The following PLEC variants were observed in gnomAD, a reference collection of about 807,000 sequenced individuals.
PLEC encodes plectin.
Under a neutral mutation model 392.8 loss-of-function variants are expected in PLEC, and 216 were observed. The observed-to-expected ratio is 0.55, with a 90% CI of 0.49 to 0.62. The LOEUF is 0.62. Ranked by LOEUF, PLEC falls within the 20% of genes least tolerant of loss-of-function variation. The pLI is 0.00. For synonymous variants in PLEC, 3,621 were observed against 2,980.6 expected (o/e 1.21, Z -7.00); for missense variants, 6,863 against 6,563.4 (o/e 1.05, Z -1.58).
Position 143,935,004 on chromosome 8 carries a change from C to A in PLEC, c.825+7G>T. 1.2e-6 allele frequency: 2 copies of A among 1,612,200 alleles called. No homozygotes were observed. Among genetic ancestry groups the A allele is most frequent in the Non-Finnish European group, 1.7e-6 (2 of 1,179,606 alleles). ...CAAGCCCCCTGCCCTCCGGGCCCCC[C>A]ACTCACGTTGGCCCTCACCCCATCC... On this transcript the variant is annotated splice_region_variant and intron_variant, in intron 8 of 31. Transcript: ENST00000345136.
chr8:143,939,359 C>T lies in PLEC; in HGVS notation c.103G>A (p.Gly35Ser), dbSNP rs1564176951. 6.2e-7 allele frequency: 1 copy of T among 1,612,020 alleles called. No homozygotes were observed. Among genetic ancestry groups the T allele is most frequent in the Non-Finnish European group, 8.5e-7 (1 of 1,179,532 alleles). The change falls in exon 1 of 32, where the codon GGC becomes AGC. Residue 35 changes from glycine to serine, a missense_variant. Coordinates refer to ENST00000345136, the MANE Select transcript of PLEC (RefSeq NM_201384.3). ...AGGGGAGCCCTGCTACCTTTCTTGC[C>T]CTCAGAGGCCCTGAGCACAGCCAGG... ...LYLAVLRASE[G>S]KKDERDRVQK...
Position 143,922,200 on chromosome 8 carries a change from T to TCTG in PLEC, c.7618_7620dup (p.Gln2540dup), listed in dbSNP as rs782806023. On this transcript the variant is annotated inframe_insertion, in exon 32 of 32. Coordinates refer to ENST00000345136, the MANE Select transcript of PLEC (RefSeq NM_201384.3). Reference sequence around the variant, plus strand: ...ACCAGCCGCTGCCGTTCCTGCTCCATCTGCTGCTGCTGCCGCTGCTGCTCC... The same window carrying TCTG: ...ACCAGCCGCTGCCGTTCCTGCTCCATCTGCTGCTGCTGCTGCCGCTGCTGCTCC... 1.3e-6 allele frequency: 2 copies of TCTG among 1,552,670 alleles called. No homozygotes were observed. Among genetic ancestry groups the TCTG allele is most frequent in the Non-Finnish European group, 1.7e-6 (2 of 1,152,884 alleles).
upstream of PLEC, chr8:143,953,791 G>T: frequency 6.2e-7 from 1 of 1,611,770 alleles, no homozygotes; most frequent in Non-Finnish European, 8.5e-7. Context: ...GGGGCTGAGG[G>T]CGGCTGTGCC....
Position 143,934,378 on chromosome 8 carries a change from C to T in PLEC, c.1109G>A (p.Trp370Ter). ...GYHPLDVEKE[W>*]GKLHVAILER... ...CAGGATGGCCACGTGCAGCTTGCCCCACTCCTTCTCCACATCCAGCGGGTG... is the reference window on the plus strand; with the variant it reads ...CAGGATGGCCACGTGCAGCTTGCCCTACTCCTTCTCCACATCCAGCGGGTG... Residue 370 changes from tryptophan to a stop codon, truncating the protein, a stop_gained, in exon 11 of 32, where the codon TGG (tryptophan) becomes TAG (stop). Transcript: ENST00000345136. LOFTEE classifies it high-confidence loss of function. 6.2e-7 allele frequency: 1 copy of T among 1,612,574 alleles called. No individual in the cohort carries two copies. Among genetic ancestry groups the T allele is most frequent in the Non-Finnish European group, 8.5e-7 (1 of 1,179,936 alleles).
In PLEC at chr8:143,935,789, A is replaced by G. The variant is rs545818698; in HGVS notation, c.602+59T>C. ...TGCCCCAACGTGTCTGAAGTTGCCT[A>G]GTGGAGGCGCTGTGGGGGTGCCCCC... On this transcript the variant is annotated intron_variant, in intron 6 of 31. Coordinates refer to ENST00000345136, the MANE Select transcript of PLEC (RefSeq NM_201384.3). The G allele has an allele frequency of 1.9e-6, 3 of 1,575,486 alleles. No individual in the cohort carries two copies. In the East Asian group the frequency reaches 6.7e-5, roughly 35 times the overall value.
At chr8:143,958,757 T>A, upstream of PLEC, 2 of 379,504 alleles carry the variant, frequency 5.3e-6, no homozygotes, top group South Asian at 3.5e-5. The surrounding 1 kb of genome is among the most constrained non-coding windows in gnomAD (Gnocchi z 4.9). Context: ...ACCTGATCCA[T>A]GGTGGCTCCC....
chr8:143,961,555 A>T (rs1478930890), intron 1 of PLEC, among the ~76,000 whole-genome samples: 1 of 152,178 alleles, frequency 6.6e-6, no homozygotes, highest in Non-Finnish European at 1.5e-5. Flanking sequence ...AGTCATAGAG[A>T]TGCACAATGA....
chr8:143,941,454 A>C (rs955760654), upstream of PLEC, among the ~76,000 whole-genome samples: 13 of 151,992 alleles, frequency 8.6e-5, no homozygotes, highest in South Asian at 2.1e-3. Flanking sequence ...CAGGGAAGGG[A>C]AGGGGCACGG....
rs199958797 is a variant in PLEC at position 143,922,573 on chromosome 8, G to A, written c.7356C>T (p.Ile2452=). The part of the protein sequence containing the change: ...DHDAERLREA[I]AELEREKEKL... ...TCTCCTTCTCACGCTCCAGCTCAGCGATGGCCTCCCGCAGGCGCTCGGCAT... is the reference window on the plus strand; with the variant it reads ...TCTCCTTCTCACGCTCCAGCTCAGCAATGGCCTCCCGCAGGCGCTCGGCAT... Residue 2452 remains isoleucine (I), a synonymous_variant, in exon 31 of 32, where the codon ATC becomes ATT. Transcript: ENST00000345136. 1,637 of 1,613,460 alleles carry A rather than the reference G, an allele frequency of 1.0e-3. 19 individuals carry two copies. The highest frequency in any genetic ancestry group is 8.3e-4 in the Middle Eastern group (5 of 6,056).
chr8:143,930,146 G>A lies in PLEC; in HGVS notation c.2610C>T (p.Thr870=). 6.3e-7 allele frequency: 1 copy of A among 1,584,706 alleles called. No homozygotes were observed. Residue 870 remains threonine (T), a splice_region_variant and synonymous_variant, in exon 21 of 32, where the codon ACC becomes ACT. Transcript: ENST00000345136. The part of the protein sequence containing the change: ...PPNQEAQEAV[T]RLEAQHQALV... ...CCTGCTGAGCCCCCGCCACCCACCT[G>A]GTGACGGCCTCCTGGGCCTCCTGGT...
At position 143,923,889 on chromosome 8, in the gene PLEC, G is replaced by A. The variant is rs782467182; in HGVS notation, c.6040C>T (p.Leu2014=). 2.5e-6 allele frequency: 4 copies of A among 1,594,714 alleles called. No individual in the cohort carries two copies. The highest frequency in any genetic ancestry group is 4.5e-5 in the East Asian group (2 of 44,692). Residue 2014 remains leucine, a synonymous_variant, in exon 31 of 32, where the codon CTG becomes TTG. Transcript: ENST00000345136. ...CGCGCCTCCTCCACCTTGGCTTTCA[G>A]CCGCTCGACTTCCTCCAGCGCCGCC... ...RKAALEEVER[L]KAKVEEARRL...
Position 143,937,607 on chromosome 8 carries a change from G to A in PLEC, c.265-365C>T, listed in dbSNP as rs550385829. The A allele has an allele frequency of 3.6e-5, 18 of 501,870 alleles. No individual in the cohort carries two copies. The East Asian group carries it at 5.7e-4, about 16-fold the overall frequency. 31.1% of individuals were successfully genotyped at this position (501,870 alleles called of 1,614,324 possible). Reference sequence around the variant, plus strand: ...CAGGCCAGCTCTGGGCAGCACGGTGGACGGGCAGCTTGACACCCAACCACC... The same window carrying A: ...CAGGCCAGCTCTGGGCAGCACGGTGAACGGGCAGCTTGACACCCAACCACC... On this transcript the variant is annotated intron_variant, in intron 3 of 31. Transcript: ENST00000345136.
chr8:143,928,736 C>T (rs1554709832), intron 25 of PLEC, among the ~76,000 whole-genome samples: 2 of 152,148 alleles, frequency 1.3e-5, no homozygotes, highest in Admixed American at 6.5e-5. Flanking sequence ...ATGCCAGAGG[C>T]CCTTAAGTCC....
chr8:143,937,153 G>C lies in PLEC; in HGVS notation c.342+12C>G, dbSNP rs374722104. On this transcript the variant is annotated intron_variant, in intron 4 of 31. Coordinates refer to ENST00000345136, the MANE Select transcript of PLEC (RefSeq NM_201384.3). ...GTCTGGGTGGGGCCCAGGGCCTGCC[G>C]GGCAGCCTTACCTGGCGGTGCCGGA... The C allele has an allele frequency of 3.2e-5, 52 of 1,611,236 alleles. No individual in the cohort carries two copies. In the South Asian group the frequency reaches 5.1e-4, roughly 16 times the overall value.
chr8:143,943,811 C>T (rs188145911), upstream of PLEC: 314 of 1,612,354 alleles, frequency 1.9e-4, no homozygotes, highest in East Asian at 6.5e-3. Context: ...ACGTCCCCTG[C>T]GCCAGTGCCA....
chr8:143,923,062 C>G lies in PLEC; in HGVS notation c.6867G>C (p.Glu2289Asp), dbSNP rs782665528. 14 of 1,610,336 alleles carry G rather than the reference C, an allele frequency of 8.7e-6. No homozygotes were observed. The highest frequency in any genetic ancestry group is 1.7e-4 in the Middle Eastern group (1 of 6,056). ...CTGCCAGCTGCCGCAGTCGCGCAGC[C>G]TCTTGGGCCGCCACACTCAGCCGCG... ...EAARLSVAAQ[E>D]AARLRQLAEE... Residue 2289 changes from glutamate (E) to aspartate (D), a missense_variant, in exon 31 of 32, where the codon GAG (glutamate) becomes GAC (aspartate). By Grantham distance (45) the Glu-to-Asp change is conservative (BLOSUM62 2). Transcript: ENST00000345136.
At position 143,928,009 on chromosome 8, in the gene PLEC, G is replaced by C; in HGVS notation, c.3261-17C>G. ...GTCTTGAGCCTGGCGGGAAAGCGGG[G>C]CTCAGGGCCATGACATGGGGCTCGA... is the stretch of plus-strand genomic sequence containing the variant. On this transcript the variant is annotated splice_polypyrimidine_tract_variant and intron_variant, in intron 25 of 31. Coordinates refer to ENST00000345136, the MANE Select transcript of PLEC (RefSeq NM_201384.3). 6.3e-7 allele frequency: 1 copy of C among 1,585,162 alleles called. No individual in the cohort carries two copies. Among genetic ancestry groups the C allele is most frequent in the Non-Finnish European group, 8.6e-7 (1 of 1,161,912 alleles).
chr8:143,936,070 T>C, intron 5 of PLEC, 56 bp from the exon 6 acceptor site: 1 of 1,591,898 alleles, frequency 6.3e-7, no homozygotes, highest in Non-Finnish European at 8.6e-7. Flanking sequence ...GCCTGCTCTG[T>C]GCCCACAGCC....
At chr8:143,972,809 C>T (rs1227843622) in intron 1 of PLEC, among the ~76,000 whole-genome samples, 4 of 152,256 alleles carry the variant, frequency 2.6e-5, no homozygotes, top group East Asian at 3.9e-4. Flanking sequence ...GGGGGTCTGC[C>T]GAGGCATCAA....
Sources: allele counts gnomAD v4.1 joint callset (sites outside exome capture counted in the v4.1 genomes callset), GRCh38; gene constraint gnomAD v4.1.1; non-coding constraint Gnocchi (gnomAD v3.1); transcripts MANE v1.5; gene names NCBI Gene and HGNC (gene_info 2026-07-23, HGNC 2026-07-21).